Variants in SLC4A1 observed in about 807,000 individuals in gnomAD.
The protein encoded by SLC4A1 is band 3 anion transport protein.
Under a neutral mutation model 93.1 loss-of-function variants are expected in SLC4A1, and 29 were observed. The observed-to-expected ratio is 0.31, with a 90% confidence interval of 0.23 to 0.42. SLC4A1 has a LOEUF of 0.42. SLC4A1 is among the 20% of genes least tolerant of loss of function. The pLI is 1.00. For synonymous variants in SLC4A1, 469 were observed against 497.2 expected, an observed-to-expected ratio of 0.94 and a Z score of 0.76; for missense variants, 965 against 1,190.1, an observed-to-expected ratio of 0.81 and a Z score of 2.78.
intron 16 of SLC4A1, among the ~76,000 whole-genome samples, chr17:44,253,784 G>A (rs2047364208): frequency 6.6e-6 from 1 of 151,560 alleles, no homozygotes; most frequent in Non-Finnish European, 1.5e-5. Flanking sequence ...TGATTTTCCT[G>A]CTTCAGCCTC....
At chr17:44,267,087 A>G (rs2047501690) in intron 1 of SLC4A1, among the ~76,000 whole-genome samples, 1 of 152,214 alleles carries the variant, frequency 6.6e-6, no homozygotes, top group Non-Finnish European at 1.5e-5. Flanking sequence ...TACCTGCTTC[A>G]GCCACCCAGC....
Position 44,249,290 on chromosome 17 carries a change from T to C in SLC4A1, c.*1168A>G. ...TTGCCCATGTTCTTGGAGAGCCTGC[T>C]GTCTCCTACCCCAATTGGTCAGATC... On this transcript the variant is annotated 3_prime_UTR_variant, in exon 20 of 20. Transcript: ENST00000262418. The C allele has an allele frequency of 2.4e-6, 1 of 422,214 alleles. No individual in the cohort carries two copies. The highest frequency in any genetic ancestry group is 4.7e-6 in the Non-Finnish European group (1 of 211,428). 26.2% of individuals were successfully genotyped at this position (422,214 alleles called of 1,614,324 possible).
chr17:44,255,592 G>T, intron 14 of SLC4A1, 81 bp downstream of exon 14: 3 of 1,371,418 alleles, frequency 2.2e-6, no homozygotes, highest in Non-Finnish European at 3.1e-6. Flanking sequence ...GAAGCTAAGG[G>T]CACTGAGGAA....
At chr17:44,265,436 C>A (rs2144630974) in intron 1 of SLC4A1, among the ~76,000 whole-genome samples, 1 of 152,258 alleles carries the variant, frequency 6.6e-6, no homozygotes, top group East Asian at 1.9e-4. Context: ...GTGGCGCGAT[C>A]TTGGCTCACT....
Position 44,254,678 on chromosome 17 carries a change from G to A in SLC4A1, c.1891-16C>T. On this transcript the variant is annotated splice_polypyrimidine_tract_variant and intron_variant, in intron 15 of 19. Coordinates refer to ENST00000262418, the MANE Select transcript of SLC4A1 (RefSeq NM_000342.4). ...CCGAGAGTTTCTGTGGGAGGGGGTAGCAGGTAAGAATGCCAAGGGCAGGAG... is the reference window on the plus strand; with the variant it reads ...CCGAGAGTTTCTGTGGGAGGGGGTAACAGGTAAGAATGCCAAGGGCAGGAG... 6.2e-7 allele frequency: 1 copy of A among 1,613,272 alleles called. No homozygotes were observed. The highest frequency in any genetic ancestry group is 8.5e-7 in the Non-Finnish European group (1 of 1,179,634).
In SLC4A1 at chr17:44,250,050, G is replaced by A. The variant is rs45555735; in HGVS notation, c.*408C>T. ...TCAATATACCCATTTTACAGAAGAG[G>A]AAATATAGGCTGGAAAGGTCAAGGG... is the stretch of plus-strand genomic sequence containing the variant. On this transcript the variant is annotated 3_prime_UTR_variant, in exon 20 of 20. Coordinates refer to ENST00000262418, the MANE Select transcript of SLC4A1 (RefSeq NM_000342.4). The A allele has an allele frequency of 0.016, 4,216 of 260,262 alleles. 51 individuals are homozygous for A. The highest frequency in any genetic ancestry group is 0.042 in the Middle Eastern group (28 of 672). 16.1% of individuals were successfully genotyped at this position (260,262 alleles called of 1,614,324 possible).
At chr17:44,264,668 A>G (rs1174038706) in intron 1 of SLC4A1, among the ~76,000 whole-genome samples, 1 of 152,152 alleles carries the variant, frequency 6.6e-6, no homozygotes, top group East Asian at 1.9e-4. Flanking sequence ...ATGGCTCCCT[A>G]TTGCGGGGTT....
In SLC4A1 at chr17:44,260,770, C is replaced by T. The variant is rs780200225; in HGVS notation, c.214G>A (p.Glu72Lys). 1.2e-6 allele frequency: 2 copies of T among 1,613,938 alleles called. 1 individual carries two copies. The highest frequency in any genetic ancestry group is 2.2e-5 in the South Asian group (2 of 91,082). Reference protein sequence around the residue: ...QELVMDEKNQELRWMEAARWV... With the variant: ...QELVMDEKNQKLRWMEAARWV... Reference sequence around the variant, plus strand: ...CGCGCCGCCTCCATCCATCTCAGCTCCTGGTTCTTTTCGTCCATCACCAGC... The same window carrying T: ...CGCGCCGCCTCCATCCATCTCAGCTTCTGGTTCTTTTCGTCCATCACCAGC... Residue 72 changes from glutamate to lysine, a missense_variant, in exon 5 of 20, where the codon GAG (glutamate) becomes AAG (lysine). Glu to Lys is a moderately conservative substitution (Grantham distance 56, BLOSUM62 1). Transcript: ENST00000262418.
At position 44,249,966 on chromosome 17, in the gene SLC4A1, GCCC is replaced by G. The variant is rs2047324224; in HGVS notation, c.*489_*491del. 1 of 197,024 alleles carries G rather than the reference GCCC, an allele frequency of 5.1e-6. No homozygotes were observed. Among genetic ancestry groups the G allele is most frequent in the Admixed American group, 5.3e-5 (1 of 18,892 alleles). The allele number at this position is 197,024 out of a possible 1,614,324, so 12.2% of individuals were successfully genotyped here. Reference sequence around the variant, plus strand: ...GAACAGTCCCTGTGGAGTTTACAAAGCCCTATTTTACATGTATCTTTGGTCCTC... The same window carrying G: ...GAACAGTCCCTGTGGAGTTTACAAAGTATTTTACATGTATCTTTGGTCCTC... On this transcript the variant is annotated 3_prime_UTR_variant, in exon 20 of 20. Transcript: ENST00000262418.
intron 1 of SLC4A1, among the ~76,000 whole-genome samples, chr17:44,263,748 GCTTCCTTC>G (rs777917082): frequency 8.5e-6 from 1 of 117,566 alleles, no homozygotes; most frequent in Non-Finnish European, 1.6e-5. Flanking sequence ...CTCCATCCCT[GCTTCCTTC>G]CTTCCTTCCT....
Position 44,258,668 on chromosome 17 carries a change from G to A in SLC4A1, c.877-45C>T, listed in dbSNP as rs901962550. On this transcript the variant is annotated intron_variant, in intron 9 of 19. Coordinates refer to ENST00000262418, the MANE Select transcript of SLC4A1 (RefSeq NM_000342.4). The surrounding 1 kb of genome is among the most constrained non-coding windows in gnomAD (Gnocchi z 6.1). ...TCAGAGCTGCCCGGACCTGCGGAGG[G>A]AAAGGACCCAGGAGTCCACAGCCAG... 1 of 1,542,772 alleles carries A rather than the reference G, an allele frequency of 6.5e-7. No homozygotes were observed.
intron 3 of SLC4A1, 49 bp from the exon 4 acceptor site, chr17:44,261,685 G>A (rs2047446564): frequency 3.7e-6 from 6 of 1,613,828 alleles, no homozygotes; most frequent in Middle Eastern, 1.6e-4. Context: ...CCCCACCTGA[G>A]GCTCTTCACC....
At chr17:44,263,521 A>G (rs2047465581) in intron 1 of SLC4A1, among the ~76,000 whole-genome samples, 1 of 152,022 alleles carries the variant, frequency 6.6e-6, no homozygotes, top group Non-Finnish European at 1.5e-5. Flanking sequence ...GAACTCACTA[A>G]GCCCTTTCCT....
In SLC4A1 at chr17:44,259,510, C is replaced by T. The variant is rs779346506; in HGVS notation, c.681G>A (p.Thr227=). 5.4e-5 allele frequency: 87 copies of T among 1,613,818 alleles called. No individual in the cohort carries two copies. The highest frequency in any genetic ancestry group is 2.2e-4 in the South Asian group (20 of 91,078). ...GCCTGTTCTTACCCACTAGCACCAA[C>T]GTGGCCTCTGAATCCGGGGGAATCT... The part of the protein sequence containing the change: ...LEKIPPDSEA[T]LVLVGRADFL... Residue 227 remains threonine, a synonymous_variant, in exon 8 of 20, where the codon ACG becomes ACA. Transcript: ENST00000262418.
rs1404428710 is a variant in SLC4A1 at position 44,259,363 on chromosome 17, A to T, written c.695-19T>A. The T allele has an allele frequency of 1.9e-6, 3 of 1,613,094 alleles. No homozygotes were observed. The highest frequency in any genetic ancestry group is 2.5e-6 in the Non-Finnish European group (3 of 1,179,606). On this transcript the variant is annotated intron_variant, in intron 8 of 19. Transcript: ENST00000262418. The stretch of plus-strand genomic sequence containing the variant: ...GCGCGGCCTGTTAGGGGATGAGAAG[A>T]TCAGGCCAGGCCGAGGAGCCCAGGG...
At position 44,253,192 on chromosome 17, in the gene SLC4A1, G is replaced by T; in HGVS notation, c.2237C>A (p.Thr746Asn). The T allele has an allele frequency of 6.2e-7, 1 of 1,613,938 alleles. No individual in the cohort carries two copies. The highest frequency in any genetic ancestry group is 8.5e-7 in the Non-Finnish European group (1 of 1,180,034). ...NALTVMGKAS[T>N]PGAAAQIQEV... is the part of the protein sequence containing the mutation. ...CTGGATCTGGGCTGCAGCCCCTGGG[G>T]TGCTGGCTTTGCCCATGACAGTGAG... Residue 746 changes from threonine to asparagine, a missense_variant, in exon 17 of 20, where the codon ACC becomes AAC. This residue lies in a region of SLC4A1 where 770 missense variants were observed against 1,006.6 expected (regional missense o/e 0.76). Coordinates refer to ENST00000262418, the MANE Select transcript of SLC4A1 (RefSeq NM_000342.4).
chr17:44,254,431 G>A, intron 16 of SLC4A1, 65 bp downstream of exon 16: 1 of 1,516,602 alleles, frequency 6.6e-7, no homozygotes, highest in Non-Finnish European at 9.1e-7. Context: ...GCCTGCCTGG[G>A]AGAATGCCAG....
At position 44,257,707 on chromosome 17, in the gene SLC4A1, C is replaced by T. The variant is rs138699959; in HGVS notation, c.1383G>A (p.Val461=). ...FALLGAQPLL[V]VGFSGPLLVF... ...CCAGCAGGGGTCCTGAGAAGCCGAC[C>T]ACAAGCAGGGGCTGAGCCCCCAGCA... Residue 461 remains valine (V), a synonymous_variant, in exon 12 of 20, where the codon GTG becomes GTA. Transcript: ENST00000262418. The T allele has an allele frequency of 1.9e-6, 3 of 1,613,862 alleles. No individual in the cohort carries two copies. Among genetic ancestry groups the T allele is most frequent in the Non-Finnish European group, 2.5e-6 (3 of 1,179,998 alleles).
intron 14 of SLC4A1, 100 bp from the exon 15 acceptor site, chr17:44,255,396 G>C: frequency 1.1e-6 from 1 of 907,092 alleles, no homozygotes. Context: ...GCTCTTCCAG[G>C]GGATCCATCA....
Sources: allele counts gnomAD v4.1 joint callset (sites outside exome capture counted in the v4.1 genomes callset), GRCh38; gene constraint gnomAD v4.1.1; regional missense constraint gnomAD v4.1.1; non-coding constraint Gnocchi (gnomAD v3.1); transcripts MANE v1.5; gene names NCBI Gene and HGNC (gene_info 2026-07-23, HGNC 2026-07-21).